The following ADGRA3 variants were observed in gnomAD, a reference collection of about 807,000 sequenced individuals.
ADGRA3 encodes the protein G-protein coupled receptor 125.
A neutral mutation model predicts 119.8 loss-of-function variants in ADGRA3; 56 were observed. The ratio of observed to expected loss-of-function variants is 0.47; its 90% CI spans 0.38 to 0.58. ADGRA3 has a LOEUF of 0.58. Ranked by LOEUF, ADGRA3 falls within the 20% of genes least tolerant of loss-of-function variation. ADGRA3 has a pLI of 0.00. For missense variants in ADGRA3, 1,516 were observed against 1,649.0 expected, an observed-to-expected ratio of 0.92 and a Z score of 1.40; for synonymous variants, 607 against 623.8, an observed-to-expected ratio of 0.97 and a Z score of 0.40.
At chr4:22,490,710 C>A (rs532572814) in intron 1 of ADGRA3, among the ~76,000 whole-genome samples, 1 of 151,998 alleles carries the variant, frequency 6.6e-6, no homozygotes, top group South Asian at 2.1e-4. Flanking sequence ...CTGAACTTTG[C>A]TGTAAAAAGA....
chr4:22,501,662 T>A (rs891568014), intron 1 of ADGRA3, among the ~76,000 whole-genome samples: 16 of 152,096 alleles, frequency 1.1e-4, no homozygotes, highest in African/African-American at 3.6e-4. Flanking sequence ...CTGGATATAC[T>A]AAGACTTAGT....
intron 12 of ADGRA3, among the ~76,000 whole-genome samples, chr4:22,419,776 T>G (rs1394952477): frequency 2.0e-5 from 3 of 152,094 alleles, no homozygotes; most frequent in African/African-American, 7.2e-5. Context: ...TGTTTTGTTT[T>G]TTTCCCCAAT....
chr4:22,436,893 A>C (rs1009189986), intron 8 of ADGRA3, among the ~76,000 whole-genome samples: 1 of 152,246 alleles, frequency 6.6e-6, no homozygotes, highest in Non-Finnish European at 1.5e-5. Context: ...TGACAGTATC[A>C]GTCACACCAA....
intron 1 of ADGRA3, among the ~76,000 whole-genome samples, chr4:22,493,092 G>A (rs1178162699): frequency 6.6e-6 from 1 of 152,158 alleles, no homozygotes; most frequent in African/African-American, 2.4e-5. Flanking sequence ...TGTCTCTCAA[G>A]TAGCTGGGAC....
intron 1 of ADGRA3, among the ~76,000 whole-genome samples, chr4:22,476,737 A>G (rs1416810524): frequency 6.6e-6 from 1 of 151,582 alleles, no homozygotes; most frequent in African/African-American, 2.4e-5. Context: ...CACGATCTCA[A>G]TTCACTACAA....
chr4:22,470,448 G>C (rs1443872238), intron 2 of ADGRA3, among the ~76,000 whole-genome samples: 1 of 151,994 alleles, frequency 6.6e-6, no homozygotes, highest in Non-Finnish European at 1.5e-5. Flanking sequence ...AACGGAGCCA[G>C]CTCTTACTAT....
rs1024955725 is a variant in ADGRA3 at position 22,444,977 on chromosome 4, T to G, written c.702A>C (p.Thr234=). ...CAGTTTGGATTTCTCCCTTACCGCA[T>G]GTCAACAGCTCCTGCTTCACGCCTG... ...PVTGVKQELL[T]CDPPLELPSF... The change falls in exon 6 of 19, where the codon ACA becomes ACC. Residue 234 remains threonine, a synonymous_variant. Coordinates refer to ENST00000334304, the MANE Select transcript of ADGRA3 (RefSeq NM_145290.4). 1 of 1,612,800 alleles carries G rather than the reference T, an allele frequency of 6.2e-7. No individual in the cohort carries two copies. The highest frequency in any genetic ancestry group is 1.3e-5 in the African/African-American group (1 of 74,870).
At chr4:22,469,486 T>C (rs1223889128) in intron 2 of ADGRA3, among the ~76,000 whole-genome samples, 1 of 152,198 alleles carries the variant, frequency 6.6e-6, no homozygotes, top group East Asian at 1.9e-4. Flanking sequence ...TCCCACACTA[T>C]GCTTTCTCCT....
In ADGRA3 at chr4:22,515,637, G is replaced by A; in HGVS notation, c.148C>T (p.Arg50Ter). The A allele has an allele frequency of 6.9e-7, 1 of 1,456,920 alleles. No individual in the cohort carries two copies. The highest frequency in any genetic ancestry group is 1.4e-5 in the African/African-American group (1 of 69,120). 90.2% of individuals were successfully genotyped at this position (1,456,920 alleles called of 1,614,324 possible). The stretch of plus-strand genomic sequence containing the variant: ...GCGCCCGCCGCCCTGCCAGCCCCTC[G>A]GGGCCGCCCATCGTGCTTGCAGCCG... Reference protein sequence around the residue: ...PAGCKHDGRPRGAGRAAGAAE... With the variant: ...PAGCKHDGRP The change falls in exon 1 of 19, where the codon CGA (arginine) becomes TGA (stop). Residue 50 changes from arginine to a stop codon, truncating the protein, a stop_gained. Coordinates refer to ENST00000334304, the MANE Select transcript of ADGRA3 (RefSeq NM_145290.4). LOFTEE classifies it high-confidence loss of function.
chr4:22,406,319 T>G (rs1482009024), intron 14 of ADGRA3, among the ~76,000 whole-genome samples: 2 of 152,208 alleles, frequency 1.3e-5, no homozygotes, highest in Non-Finnish European at 2.9e-5. Context: ...ACTGATTTCC[T>G]TTCTTCTGAA....
intron 16 of ADGRA3, 172 bp from the exon 17 acceptor site, chr4:22,392,862 G>C (rs1714194409): frequency 3.6e-6 from 2 of 553,872 alleles, no homozygotes; most frequent in Admixed American, 6.9e-5. Flanking sequence ...ACATGTGACA[G>C]GGAATCACAA....
chr4:22,461,953 C>A, intron 2 of ADGRA3, 145 bp from the exon 3 acceptor site: 1 of 463,684 alleles, frequency 2.2e-6, no homozygotes, highest in Non-Finnish European at 3.8e-6. Context: ...CCAAGATCAA[C>A]CCAGTAGTAA....
intron 7 of ADGRA3, among the ~76,000 whole-genome samples, chr4:22,440,976 T>C (rs141645001): frequency 1.3e-3 from 204 of 152,308 alleles, no homozygotes; most frequent in African/African-American, 4.7e-3. Context: ...CTAACAATTA[T>C]ATGCCCCTGA....
intron 14 of ADGRA3, among the ~76,000 whole-genome samples, chr4:22,405,064 C>G (rs1229219498): frequency 6.6e-6 from 1 of 152,088 alleles, no homozygotes; most frequent in African/African-American, 2.4e-5. Context: ...AAAATGGAGG[C>G]TCCTCTAATC....
At chr4:22,415,303 T>C (rs778085256) in intron 12 of ADGRA3, among the ~76,000 whole-genome samples, 1 of 152,200 alleles carries the variant, frequency 6.6e-6, no homozygotes, top group Non-Finnish European at 1.5e-5. Flanking sequence ...TTAATGATGT[T>C]AGATCACAGC....
intron 1 of ADGRA3, 58 bp downstream of exon 1, chr4:22,515,470 G>T: frequency 6.4e-7 from 1 of 1,570,230 alleles, no homozygotes; most frequent in East Asian, 2.5e-5. Context: ...CCAAAGTTGA[G>T]CGGAGAGATA....
chr4:22,479,173 A>G (rs1718160036), intron 1 of ADGRA3, among the ~76,000 whole-genome samples: 1 of 152,202 alleles, frequency 6.6e-6, no homozygotes, highest in African/African-American at 2.4e-5. Flanking sequence ...TGATCATTAA[A>G]AAGTCAGGGG....
At chr4:22,510,176 T>G (rs1719401915) in intron 1 of ADGRA3, among the ~76,000 whole-genome samples, 1 of 152,118 alleles carries the variant, frequency 6.6e-6, no homozygotes, top group Non-Finnish European at 1.5e-5. Flanking sequence ...ATGTAGAGAA[T>G]GAACTTCCCT....
intron 3 of ADGRA3, among the ~76,000 whole-genome samples, chr4:22,460,322 A>G (rs1181146144): frequency 1.3e-5 from 2 of 152,206 alleles, no homozygotes; most frequent in Non-Finnish European, 2.9e-5. Context: ...GCTACAGGCA[A>G]TTGAAAAGCA....
Sources: gnomAD v4.1 joint callset for allele counts (sites outside exome capture counted in the v4.1 genomes callset) on GRCh38, gnomAD v4.1.1 for gene constraint, MANE v1.5 for transcripts, NCBI Gene and HGNC (gene_info 2026-07-23, HGNC 2026-07-21) for gene names.